The following TACC2 variants were observed in gnomAD, a reference collection of about 807,000 sequenced individuals.
TACC2 encodes transforming acidic coiled-coil containing protein 2, also known as transforming acidic coiled-coil-containing protein 2.
A neutral mutation model predicts 227.3 loss-of-function variants in TACC2; 137 were observed. The observed-to-expected ratio is 0.60, with a 90% CI of 0.52 to 0.69. TACC2 has a LOEUF of 0.69. TACC2 is among the 30% of genes least tolerant of loss of function. The pLI, the probability that TACC2 is intolerant of heterozygous loss-of-function variation, is 0.00. For missense variants in TACC2, 3,470 were observed against 3,694.4 expected (o/e 0.94, Z 1.57); for synonymous variants, 1,523 against 1,487.5 (o/e 1.02, Z -0.55).
intron 1 of TACC2, among the ~76,000 whole-genome samples, chr10:121,990,649 C>T (rs1952990172): frequency 6.6e-6 from 1 of 152,118 alleles, no homozygotes; most frequent in Non-Finnish European, 1.5e-5. Flanking sequence ...CCCCTCTGCC[C>T]TAATTCCTCA....
chr10:122,147,637 T>G (rs1485047186), intron 7 of TACC2, among the ~76,000 whole-genome samples: 1 of 152,230 alleles, frequency 6.6e-6, no homozygotes, highest in Non-Finnish European at 1.5e-5. Context: ...TGTATTTATA[T>G]CTGCATGGAC....
intron 18 of TACC2, among the ~76,000 whole-genome samples, chr10:122,238,581 C>T (rs1195462158): frequency 6.6e-6 from 1 of 152,186 alleles, no homozygotes; most frequent in African/African-American, 2.4e-5. Flanking sequence ...ACCCAAGTAA[C>T]TGGGATTACA....
chr10:122,067,753 G>A (rs1321136104), intron 3 of TACC2, among the ~76,000 whole-genome samples: 3 of 152,116 alleles, frequency 2.0e-5, no homozygotes, highest in South Asian at 2.1e-4. Context: ...TGATCCACCC[G>A]CCTTGGCCTC....
At chr10:122,106,014 T>A (rs959912978) in intron 5 of TACC2, among the ~76,000 whole-genome samples, 1 of 143,744 alleles carries the variant, frequency 7.0e-6, no homozygotes, top group African/African-American at 2.6e-5. Context: ...TGAGATGGGG[T>A]CTCGCTCTTG....
intron 3 of TACC2, among the ~76,000 whole-genome samples, chr10:122,076,190 T>A (rs2078788509): frequency 6.6e-6 from 1 of 151,974 alleles, no homozygotes; most frequent in African/African-American, 2.4e-5. Flanking sequence ...TTCTGTAGAG[T>A]TATGAGGTGG....
At chr10:122,126,105 G>A (rs534423551) in intron 5 of TACC2, among the ~76,000 whole-genome samples, 139 of 151,388 alleles carry the variant, frequency 9.2e-4, no homozygotes, top group Non-Finnish European at 1.5e-3. Context: ...ACTCCCCACC[G>A]CCTGCCTTGG....
rs1244079867 is a variant in TACC2, at chr10:122,085,045, G to A, written c.2545G>A (p.Ala849Thr). 6.2e-7 allele frequency: 1 copy of A among 1,614,198 alleles called. No individual in the cohort carries two copies. The highest frequency in any genetic ancestry group is 2.2e-5 in the East Asian group (1 of 44,880). The change falls in exon 4 of 23, where the codon GCC becomes ACC. Residue 849 changes from alanine to threonine, a missense_variant. By Grantham distance (58) the Ala-to-Thr change is moderately conservative. Coordinates refer to ENST00000369005, the MANE Select transcript of TACC2 (RefSeq NM_206862.4). ...TSIFDVLKEQ[A>T]QPPENGKETS... ...CATCTTTGACGTGCTCAAGGAGCAG[G>A]CCCAGCCACCTGAAAATGGGAAAGA...
chr10:122,171,993 T>C (rs941244477), intron 7 of TACC2, among the ~76,000 whole-genome samples: 1 of 152,148 alleles, frequency 6.6e-6, no homozygotes, highest in African/African-American at 2.4e-5. Context: ...AAGTGGAAAA[T>C]AGCTGTAGCC....
chr10:122,208,438 C>CA (rs2095198460), intron 8 of TACC2, among the ~76,000 whole-genome samples: 1 of 152,196 alleles, frequency 6.6e-6, no homozygotes, highest in Admixed American at 6.5e-5. Context: ...GCAGAATACT[C>CA]ACTGCCCAGA....
chr10:122,168,050 C>CTTT (rs57366476), intron 7 of TACC2, among the ~76,000 whole-genome samples: 5 of 131,760 alleles, frequency 3.8e-5, no homozygotes, highest in African/African-American at 1.5e-4. Flanking sequence ...CCATGCCCAG[C>CTTT]TTTTTTTTTT....
intron 2 of TACC2, among the ~76,000 whole-genome samples, chr10:122,040,745 G>C (rs925866292): frequency 6.6e-6 from 1 of 152,120 alleles, no homozygotes. Context: ...TCTGTAACAA[G>C]TCCCAAAAAA....
At chr10:122,162,171 C>G (rs894746174) in intron 7 of TACC2, among the ~76,000 whole-genome samples, 3 of 152,068 alleles carry the variant, frequency 2.0e-5, no homozygotes, top group Non-Finnish European at 4.4e-5. Flanking sequence ...CTGTTACATC[C>G]CAGAAAACGA....
chr10:122,028,685 T>C (rs1206451072), intron 2 of TACC2, among the ~76,000 whole-genome samples: 1 of 152,006 alleles, frequency 6.6e-6, no homozygotes, highest in Non-Finnish European at 1.5e-5. Flanking sequence ...GGCTGTTTTA[T>C]TTATTTATTC....
At chr10:121,990,093 TA>T in intron 1 of TACC2, among the ~76,000 whole-genome samples, 1 of 152,248 alleles carries the variant, frequency 6.6e-6, no homozygotes, top group Middle Eastern at 3.4e-3. Flanking sequence ...GATATTTTAT[TA>T]AATTTACCTT....
At chr10:122,189,530 A>G (rs1306199775) in intron 7 of TACC2, among the ~76,000 whole-genome samples, 1 of 152,192 alleles carries the variant, frequency 6.6e-6, no homozygotes, top group Non-Finnish European at 1.5e-5. Flanking sequence ...GCTCAGAAGA[A>G]GGAAGCCCCT....
rs2095242357 is a variant in TACC2 at position 122,209,720 on chromosome 10, C to G, written c.5972-677C>G. On this transcript the variant is annotated intron_variant, in intron 8 of 22. Transcript: ENST00000369005. The surrounding 1 kb of genome is among the most constrained non-coding windows in gnomAD (Gnocchi z 4.5). ...TTTGTTTTTGAGACAGAGTCTCACT[C>G]ACTCTGTCACCCAGGCTAGAGTACA... 6.6e-6 allele frequency among the ~76,000 whole-genome samples: 1 copy of G among 152,174 alleles called. No homozygotes were observed. The highest frequency in any genetic ancestry group is 6.5e-5 in the Admixed American group (1 of 15,276).
chr10:122,026,461 A>T (rs562258897), intron 2 of TACC2, among the ~76,000 whole-genome samples: 10 of 151,118 alleles, frequency 6.6e-5, no homozygotes, highest in Non-Finnish European at 8.8e-5. Flanking sequence ...TTTTTTGGCT[A>T]AAAGTTTTGA....
intron 9 of TACC2, chr10:122,213,302 CT>C (rs1359983434): frequency 6.2e-7 from 1 of 1,601,922 alleles, no homozygotes; most frequent in Admixed American, 1.7e-5. Context: ...TTGTCAGTTC[CT>C]TCTGTCTGTC....
chr10:122,216,199 C>T (rs867036458), intron 10 of TACC2, among the ~76,000 whole-genome samples: 1 of 152,230 alleles, frequency 6.6e-6, no homozygotes, highest in Non-Finnish European at 1.5e-5. Flanking sequence ...CTCCACTTCC[C>T]ACTCTCCAGT....
Sources: gnomAD v4.1 joint callset for allele counts (sites outside exome capture counted in the v4.1 genomes callset) on GRCh38, gnomAD v4.1.1 for gene constraint, Gnocchi (gnomAD v3.1) non-coding constraint, MANE v1.5 for transcripts, NCBI Gene and HGNC (gene_info 2026-07-23, HGNC 2026-07-21) for gene names.